Variants in RGS3 observed in about 807,000 individuals in gnomAD.
RGS3 encodes the protein regulator of G-protein signalling 3.
A neutral mutation model predicts 132.6 loss-of-function variants in RGS3; 80 were observed. The ratio of observed to expected loss-of-function variants is 0.60; its 90% CI spans 0.50 to 0.73. The LOEUF (loss-of-function observed/expected upper bound fraction) is 0.73, where lower values mean the gene tolerates loss of function less well. Ranked by LOEUF, RGS3 falls within the 30% of genes least tolerant of loss-of-function variation. RGS3 has a pLI of 0.00. For synonymous variants in RGS3, 598 were observed against 620.6 expected (o/e 0.96, Z 0.54); for missense variants, 1,382 against 1,530.8 (o/e 0.90, Z 1.62).
intron 18 of RGS3, among the ~76,000 whole-genome samples, chr9:113,529,766 A>G (rs1394035970): frequency 6.6e-6 from 1 of 152,220 alleles, no homozygotes; most frequent in Non-Finnish European, 1.5e-5. Context: ...ACAAACATCC[A>G]GTGTCTGGGT....
intron 18 of RGS3, among the ~76,000 whole-genome samples, chr9:113,534,856 A>T (rs1832616020): frequency 6.6e-6 from 1 of 152,016 alleles, no homozygotes; most frequent in East Asian, 1.9e-4. Context: ...GGCGCAAATG[A>T]TCCTCCTGCC....
intron 19 of RGS3, chr9:113,541,990 T>G (rs141091255): frequency 4.8e-6 from 2 of 419,082 alleles, no homozygotes; most frequent in East Asian, 3.2e-4. Context: ...TAGCTGGGAG[T>G]GAGCGTTAAA....
chr9:113,457,959 G>A (rs1025965078), upstream of RGS3, among the ~76,000 whole-genome samples: 1 of 152,114 alleles, frequency 6.6e-6, no homozygotes, highest in Non-Finnish European at 1.5e-5. Flanking sequence ...AACCAAATAA[G>A]GTTAGAAACA....
intron 19 of RGS3, among the ~76,000 whole-genome samples, chr9:113,569,526 C>T (rs936031049): frequency 6.6e-6 from 1 of 152,088 alleles, no homozygotes; most frequent in African/African-American, 2.4e-5. Context: ...ATTCAAATAG[C>T]AGCAGCTCTG....
At chr9:113,596,431 A>G (rs1416098200) in intron 24 of RGS3, among the ~76,000 whole-genome samples, 2 of 152,224 alleles carry the variant, frequency 1.3e-5, no homozygotes, top group African/African-American at 4.8e-5. Context: ...GGAATGTACT[A>G]TTATTCCTAG....
chr9:113,563,180 C>G (rs1166018283), intron 19 of RGS3, among the ~76,000 whole-genome samples: 1 of 152,244 alleles, frequency 6.6e-6, no homozygotes, highest in Non-Finnish European at 1.5e-5. Flanking sequence ...ACTCAGCACA[C>G]TGGGTTGGCA....
rs528018771 is a variant in RGS3, at chr9:113,495,725, A to G, written c.690-61A>G. On this transcript the variant is annotated intron_variant, in intron 7 of 24. Transcript: ENST00000350696. Reference sequence around the variant, plus strand: ...AGGCAAACCCATGCTATACTTGATAATGGACCTCCCGATAGAGCCCAGAAA... The same window carrying G: ...AGGCAAACCCATGCTATACTTGATAGTGGACCTCCCGATAGAGCCCAGAAA... The G allele has an allele frequency of 1.9e-5, 27 of 1,392,840 alleles. No individual in the cohort carries two copies. In the East Asian group the frequency reaches 2.1e-4, roughly 11 times the overall value. 86.3% of individuals were successfully genotyped at this position (1,392,840 alleles called of 1,614,324 possible).
chr9:113,485,681 C>T, exon 7 of RGS3: 1 of 1,590,118 alleles, frequency 6.3e-7, no homozygotes, highest in Non-Finnish European at 8.6e-7. Flanking sequence ...TGGAACAGGG[C>T]CAGCCAGTCC....
chr9:113,594,259 G>T, intron 21 of RGS3, 171 bp from the exon 20 acceptor site: 2 of 1,611,420 alleles, frequency 1.2e-6, no homozygotes, highest in Non-Finnish European at 1.7e-6. Context: ...CGGCCCCAAG[G>T]TGGGGGGCCC....
intron 15 of RGS3, among the ~76,000 whole-genome samples, chr9:113,515,253 C>T (rs1831594934): frequency 6.6e-6 from 1 of 152,176 alleles, no homozygotes; most frequent in African/African-American, 2.4e-5. Context: ...TTCGAGGTTA[C>T]AATGAGCTGT....
At chr9:113,575,005 C>T (rs773177324) in intron 19 of RGS3, among the ~76,000 whole-genome samples, 26 of 152,150 alleles carry the variant, frequency 1.7e-4, no homozygotes, top group African/African-American at 3.4e-4. Context: ...ACAAAGACTA[C>T]GAGTCCACCC....
chr9:113,596,474 T>C (rs564595631), intron 24 of RGS3, among the ~76,000 whole-genome samples: 2 of 152,220 alleles, frequency 1.3e-5, no homozygotes, highest in African/African-American at 2.4e-5. Flanking sequence ...CTCACCGCAC[T>C]TAAGTAATTT....
At chr9:113,534,424 A>G (rs1832598663) in intron 18 of RGS3, among the ~76,000 whole-genome samples, 1 of 152,160 alleles carries the variant, frequency 6.6e-6, no homozygotes, top group African/African-American at 2.4e-5. Context: ...AAAGATGCTC[A>G]AGTCCTTGAC....
intron 19 of RGS3, among the ~76,000 whole-genome samples, chr9:113,558,965 G>T (rs1466162022): frequency 5.3e-5 from 8 of 152,238 alleles, no homozygotes; most frequent in Admixed American, 3.3e-4. Context: ...TTTAGAGACA[G>T]GGAAACTGAG....
At chr9:113,499,139 A>AT (rs1334325567) in intron 10 of RGS3, among the ~76,000 whole-genome samples, 10 of 150,850 alleles carry the variant, frequency 6.6e-5, no homozygotes, top group Admixed American at 1.3e-4. Context: ...AGGCAGAAGA[A>AT]TCGCTTGAAC....
chr9:113,584,316 G>A (rs1475932073), exon 20 of RGS3: 3 of 1,603,526 alleles, frequency 1.9e-6, no homozygotes, highest in Non-Finnish European at 8.5e-7. Flanking sequence ...CAGACGGTGA[G>A]GGCGCCGCCT....
chr9:113,521,430 A>C (rs1469333410), intron 16 of RGS3, among the ~76,000 whole-genome samples: 2 of 152,374 alleles, frequency 1.3e-5, no homozygotes, highest in South Asian at 2.1e-4. Context: ...CCCTGGAGTG[A>C]GGAGTGTGGC....
At chr9:113,458,159 C>T (rs1054244888), upstream of RGS3, among the ~76,000 whole-genome samples, 7 of 152,320 alleles carry the variant, frequency 4.6e-5, no homozygotes, top group African/African-American at 1.7e-4. Context: ...TCAAGCGATC[C>T]GCCTGCCTTG....
chr9:113,556,336 T>G (rs1198729863), intron 19 of RGS3, among the ~76,000 whole-genome samples: 2 of 152,158 alleles, frequency 1.3e-5, no homozygotes, highest in Non-Finnish European at 2.9e-5. Flanking sequence ...AATTTTCTAT[T>G]AATTTAGGAA....
Sources: gnomAD v4.1 joint callset for allele counts (sites outside exome capture counted in the v4.1 genomes callset) on GRCh38, gnomAD v4.1.1 for gene constraint, MANE v1.5 for transcripts, NCBI Gene and HGNC (gene_info 2026-07-23, HGNC 2026-07-21) for gene names.